CPNE8: variants seen among roughly 807,000 people sequenced by gnomAD.
The protein encoded by CPNE8 is copine 8.
In CPNE8, 45 loss-of-function variants were observed where a neutral mutation model predicts 81.5. The observed-to-expected ratio is 0.55, with a 90% CI of 0.44 to 0.71. The LOEUF (loss-of-function observed/expected upper bound fraction) is 0.71, where lower values mean the gene tolerates loss of function less well. CPNE8 is among the 30% of genes least tolerant of loss of function. The pLI is 0.00. For synonymous variants in CPNE8, 252 were observed against 226.3 expected (o/e 1.11, Z -1.02); for missense variants, 594 against 672.1 (o/e 0.88, Z 1.28).
rs373237422 is a variant in CPNE8, at chr12:38,799,950, G to T, written c.408-23649C>A. Among the ~76,000 whole-genome samples the T allele has an allele frequency of 3.0e-3, 446 of 150,922 alleles. 5 individuals are homozygous for T. Among genetic ancestry groups the T allele is most frequent in the African/African-American group, 9.7e-3 (399 of 41,200 alleles). On this transcript the variant is annotated intron_variant, in intron 6 of 19. Coordinates refer to ENST00000331366, the MANE Select transcript of CPNE8 (RefSeq NM_153634.3). ...ACCCGAATATTGCGCTTTTCAGACC[G>T]GCTTAAGAAACGGCGCACCACGAGA...
chr12:38,678,205 A>G (rs977229496), intron 16 of CPNE8, among the ~76,000 whole-genome samples: 3 of 152,162 alleles, frequency 2.0e-5, no homozygotes, highest in Non-Finnish European at 4.4e-5. Flanking sequence ...ACACATCCAC[A>G]GTCAAGTCTT....
intron 6 of CPNE8, among the ~76,000 whole-genome samples, chr12:38,799,965 G>A (rs11523607): frequency 0.28 from 40,542 of 146,316 alleles, 7,198 homozygotes; most frequent in Non-Finnish European, 0.4. Context: ...AAGAAACGGC[G>A]CACCACGAGA....
At chr12:38,704,826 GTATATATATATATATATATATA>G (rs573232937) in intron 13 of CPNE8, among the ~76,000 whole-genome samples, 3 of 50,200 alleles carry the variant, frequency 6.0e-5, no homozygotes, top group East Asian at 3.5e-4. Context: ...GTATGTATGT[GTATATATATATATATATATATA>G]TATATATATA....
Position 38,818,424 on chromosome 12 carries a change from T to C in CPNE8, c.407+10955A>G, listed in dbSNP as rs1046239044. 5.9e-5 allele frequency among the ~76,000 whole-genome samples: 9 copies of C among 152,292 alleles called. No individual in the cohort carries two copies. The East Asian group carries it at 1.7e-3, about 29-fold the overall frequency. On this transcript the variant is annotated intron_variant, in intron 6 of 19. Coordinates refer to ENST00000331366, the MANE Select transcript of CPNE8 (RefSeq NM_153634.3). ...TCCTGTGTTACTTTGCTGAGAATGG[T>C]TTCCAGCTTCATCCATGTCCCTGCA...
At chr12:38,797,346 C>T (rs946476472) in intron 6 of CPNE8, among the ~76,000 whole-genome samples, 1 of 152,130 alleles carries the variant, frequency 6.6e-6, no homozygotes, top group Non-Finnish European at 1.5e-5. Context: ...TCCTCTGAGA[C>T]AAAACTTCCA....
intron 11 of CPNE8, among the ~76,000 whole-genome samples, chr12:38,727,921 C>T (rs560491095): frequency 2.0e-5 from 3 of 152,290 alleles, no homozygotes; most frequent in East Asian, 3.9e-4. Flanking sequence ...CAGGACTTTA[C>T]GTTGTTGGAG....
chr12:38,885,065 G>A (rs1944219320), intron 1 of CPNE8, among the ~76,000 whole-genome samples: 1 of 151,842 alleles, frequency 6.6e-6, no homozygotes, highest in Non-Finnish European at 1.5e-5. Context: ...TGAAGAAAAT[G>A]TAACATATTA....
chr12:38,762,533 AT>A (rs1462889913), intron 8 of CPNE8, among the ~76,000 whole-genome samples: 1 of 152,238 alleles, frequency 6.6e-6, no homozygotes, highest in Non-Finnish European at 1.5e-5. Context: ...GAATATGAGG[AT>A]CACCAGCAAC....
intron 15 of CPNE8, among the ~76,000 whole-genome samples, chr12:38,693,080 C>A (rs1482901187): frequency 5.3e-5 from 8 of 152,162 alleles, no homozygotes; most frequent in African/African-American, 1.9e-4. Flanking sequence ...GCAACCCCAG[C>A]TTTTCAGCTA....
intron 15 of CPNE8, among the ~76,000 whole-genome samples, chr12:38,689,532 C>A (rs1209462473): frequency 6.6e-6 from 1 of 152,170 alleles, no homozygotes; most frequent in East Asian, 1.9e-4. Context: ...TCCTTTTATT[C>A]AATGAACAAA....
At chr12:38,819,415 A>G (rs1943077983) in intron 6 of CPNE8, among the ~76,000 whole-genome samples, 1 of 152,146 alleles carries the variant, frequency 6.6e-6, no homozygotes, top group South Asian at 2.1e-4. Flanking sequence ...TTAAAATAAC[A>G]ATTCACAGCT....
chr12:38,741,883 C>T (rs1248919094), intron 10 of CPNE8, among the ~76,000 whole-genome samples: 1 of 152,142 alleles, frequency 6.6e-6, no homozygotes, highest in East Asian at 1.9e-4. Context: ...AGACACTTCT[C>T]AAAAGGAAAC....
At chr12:38,773,785 A>G (rs1267274206) in intron 7 of CPNE8, among the ~76,000 whole-genome samples, 1 of 152,126 alleles carries the variant, frequency 6.6e-6, no homozygotes, top group African/African-American at 2.4e-5. Flanking sequence ...TGAAGTAACT[A>G]TGAACATTTC....
intron 1 of CPNE8, among the ~76,000 whole-genome samples, chr12:38,899,773 C>A (rs924985529): frequency 6.6e-6 from 1 of 152,044 alleles, no homozygotes; most frequent in Non-Finnish European, 1.5e-5. Flanking sequence ...AGAATGATTT[C>A]TTAAATACAG....
intron 19 of CPNE8, 144 bp from the exon 20 acceptor site, chr12:38,654,214 AT>A: frequency 8.5e-7 from 1 of 1,178,244 alleles, no homozygotes; most frequent in Non-Finnish European, 1.1e-6. Flanking sequence ...ATTATTATAC[AT>A]TTTTAAAAAT....
chr12:38,725,382 G>A (rs557266244), intron 11 of CPNE8, among the ~76,000 whole-genome samples: 2 of 152,166 alleles, frequency 1.3e-5, no homozygotes, highest in East Asian at 1.9e-4. Context: ...CATAATAATT[G>A]GTAAAGGTCT....
chr12:38,878,308 CG>C (rs1944097159), intron 1 of CPNE8, among the ~76,000 whole-genome samples: 1 of 152,130 alleles, frequency 6.6e-6, no homozygotes, highest in African/African-American at 2.4e-5. Context: ...GGGTCTGGAT[CG>C]GGACACCTTT....
At chr12:38,714,717 G>A (rs560684077) in intron 13 of CPNE8, among the ~76,000 whole-genome samples, 1 of 152,060 alleles carries the variant, frequency 6.6e-6, no homozygotes, top group African/African-American at 2.4e-5. Context: ...GAATGCATCT[G>A]TCTCATCTGC....
chr12:38,808,802 A>G (rs1236024927), intron 6 of CPNE8, among the ~76,000 whole-genome samples: 4 of 151,878 alleles, frequency 2.6e-5, no homozygotes, highest in Non-Finnish European at 4.4e-5. Context: ...ATGCTTAAAA[A>G]CCAGTAAGAA....
Sources: gnomAD v4.1 joint callset for allele counts (sites outside exome capture counted in the v4.1 genomes callset) on GRCh38, gnomAD v4.1.1 for gene constraint, MANE v1.5 for transcripts, NCBI Gene and HGNC (gene_info 2026-07-23, HGNC 2026-07-21) for gene names.